Variants in PLEKHB2 observed in about 807,000 individuals in gnomAD.
PLEKHB2 encodes the protein pleckstrin homology domain containing B2, also known as pleckstrin homology domain-containing family B member 2.
Under a neutral mutation model 36.5 loss-of-function variants are expected in PLEKHB2, and 31 were observed. That is an observed-to-expected ratio of 0.85 (90% confidence interval 0.64 to 1.15). PLEKHB2 has a LOEUF of 1.15. PLEKHB2 is among the 50% of genes most tolerant of loss of function. The pLI, the probability that PLEKHB2 is intolerant of heterozygous loss-of-function variation, is 0.00. For synonymous variants in PLEKHB2, 119 were observed against 112.0 expected, an observed-to-expected ratio of 1.06 and a Z score of -0.39; for missense variants, 262 against 295.3, an observed-to-expected ratio of 0.89 and a Z score of 0.83.
At chr2:131,144,596 A>G (rs1699099662) in intron 7 of PLEKHB2, 1 of 376,284 alleles carries the variant, frequency 2.7e-6, no homozygotes, top group Non-Finnish European at 4.7e-6. Flanking sequence ...CTTAGTTGCC[A>G]TAGAAACTGT....
intron 4 of PLEKHB2, among the ~76,000 whole-genome samples, chr2:131,129,961 G>A (rs1697512579): frequency 6.6e-6 from 1 of 152,076 alleles, no homozygotes; most frequent in South Asian, 2.1e-4. Flanking sequence ...CCTTTGATGT[G>A]GTATTTTCAG....
At chr2:131,109,691 AAAAC>A (rs944112157) in intron 1 of PLEKHB2, among the ~76,000 whole-genome samples, 4 of 152,124 alleles carry the variant, frequency 2.6e-5, no homozygotes, top group African/African-American at 7.2e-5. Context: ...ACTCTGTCTC[AAAAC>A]AAACAAACAA....
At chr2:131,115,884 C>G (rs528817776) in intron 1 of PLEKHB2, among the ~76,000 whole-genome samples, 1 of 152,220 alleles carries the variant, frequency 6.6e-6, no homozygotes, top group East Asian at 1.9e-4. Context: ...AATAAGATAT[C>G]CTGCCCCTAA....
rs370696877 is a variant in PLEKHB2 at position 131,140,284 on chromosome 2, C to T, written c.532+9C>T. On this transcript the variant is annotated intron_variant, in intron 7 of 7. Transcript: ENST00000693505. ...CCAGTACCCATATGCAGGTAACTCA[C>T]GCCGGCCTTTCATTCCTCATTTCTC... 11 of 1,459,756 alleles carry T rather than the reference C, an allele frequency of 7.5e-6. No individual in the cohort carries two copies. Among genetic ancestry groups the T allele is most frequent in the Middle Eastern group, 1.7e-4 (1 of 5,830 alleles). The allele number at this position is 1,459,756 out of a possible 1,614,324, so 90.4% of individuals were successfully genotyped here.
chr2:131,113,432 C>T (rs1435911763), intron 1 of PLEKHB2, among the ~76,000 whole-genome samples: 1 of 152,174 alleles, frequency 6.6e-6, no homozygotes. Flanking sequence ...CATTTGGTCA[C>T]AGAAGTCTTC....
At chr2:131,117,089 T>A (rs1241235507) in intron 1 of PLEKHB2, among the ~76,000 whole-genome samples, 1 of 151,230 alleles carries the variant, frequency 6.6e-6, no homozygotes, top group African/African-American at 2.4e-5. Flanking sequence ...GCCATTGCAC[T>A]CCAGTCTGAG....
intron 5 of PLEKHB2, 147 bp from the exon 6 acceptor site, chr2:131,132,755 G>C: frequency 1.8e-6 from 1 of 552,458 alleles, no homozygotes; most frequent in Admixed American, 3.0e-5. Context: ...CCACTGGACT[G>C]GGGGAGTTTT....
intron 6 of PLEKHB2, among the ~76,000 whole-genome samples, chr2:131,135,723 C>T (rs1212961799): frequency 6.6e-6 from 1 of 152,186 alleles, no homozygotes; most frequent in Non-Finnish European, 1.5e-5. Context: ...GCCTCAGCCT[C>T]TCTAGTAGTT....
Position 131,140,186 on chromosome 2 carries a change from C to T in PLEKHB2, c.443C>T (p.Pro148Leu). 1 of 1,611,650 alleles carries T rather than the reference C, an allele frequency of 6.2e-7. No homozygotes were observed. The highest frequency in any genetic ancestry group is 8.5e-7 in the Non-Finnish European group (1 of 1,177,832). The change falls in exon 7 of 8, where the codon CCA becomes CTA. Residue 148 changes from proline (P) to leucine (L), a missense_variant. Pro to Leu is a moderately conservative substitution (Grantham distance 98). Coordinates refer to ENST00000693505, the MANE Select transcript of PLEKHB2 (RefSeq NM_001100623.2). ...PAPEQAYGYG[P>L]YGGAYPPGTQ... ...TTTCAGCAGGCTTATGGCTATGGGC[C>T]ATACGGTGGTGCGTACCCGCCAGGA...
chr2:131,127,993 A>T (rs1184333645), intron 4 of PLEKHB2, among the ~76,000 whole-genome samples: 1 of 152,198 alleles, frequency 6.6e-6, no homozygotes, highest in East Asian at 1.9e-4. Flanking sequence ...GAGCCCTAGC[A>T]TGGGACATTC....
chr2:131,114,333 C>G (rs1156329053), intron 1 of PLEKHB2, among the ~76,000 whole-genome samples: 1 of 152,128 alleles, frequency 6.6e-6, no homozygotes, highest in African/African-American at 2.4e-5. Flanking sequence ...ATCGTGTTAG[C>G]CAGGATGGTC....
chr2:131,146,819 CAAT>C lies in PLEKHB2; in HGVS notation c.*51_*53del. ...GCATAGCTTCTGATAACCCTGTGTG[CAAT>C]AATATGATTTGCAGGGCATTTCTGT... On this transcript the variant is annotated 3_prime_UTR_variant, in exon 8 of 8. Transcript: ENST00000693505. The C allele has an allele frequency of 6.7e-7, 1 of 1,491,052 alleles. No homozygotes were observed. Among genetic ancestry groups the C allele is most frequent in the East Asian group, 2.4e-5 (1 of 42,418 alleles). 92.4% of individuals were successfully genotyped at this position (1,491,052 alleles called of 1,614,324 possible).
intron 7 of PLEKHB2, among the ~76,000 whole-genome samples, chr2:131,142,076 C>T (rs1438639195): frequency 6.6e-6 from 1 of 152,174 alleles, no homozygotes. Context: ...CTCACCCACA[C>T]CCCCTCTCAC....
At chr2:131,111,027 C>G (rs1405311020) in intron 1 of PLEKHB2, among the ~76,000 whole-genome samples, 1 of 151,556 alleles carries the variant, frequency 6.6e-6, no homozygotes, top group African/African-American at 2.4e-5. Context: ...TTTTTTGAGA[C>G]GGAGTCTCGC....
rs999716686 is a variant in PLEKHB2 at position 131,126,783 on chromosome 2, G to A, written c.290G>A (p.Cys97Tyr). The change falls in exon 4 of 8, where the codon TGC becomes TAC. Residue 97 changes from cysteine to tyrosine, a missense_variant. Coordinates refer to ENST00000693505, the MANE Select transcript of PLEKHB2 (RefSeq NM_001100623.2). ...CTTTGTGCAGAAAGCACAGATGATT[G>A]CTTGTAAGTTTTGCTTTCTTATGTG... ...ISLCAESTDD[C>Y]LAWKFTLQDS... is the part of the protein sequence containing the mutation. The A allele has an allele frequency of 1.3e-6, 2 of 1,558,666 alleles. No homozygotes were observed. The highest frequency in any genetic ancestry group is 1.7e-5 in the Admixed American group (1 of 59,416).
intron 6 of PLEKHB2, among the ~76,000 whole-genome samples, chr2:131,133,475 T>C (rs183170443): frequency 2.0e-5 from 3 of 152,392 alleles, no homozygotes; most frequent in Middle Eastern, 3.4e-3. Flanking sequence ...GAAATAATTA[T>C]AGATTCACAA....
chr2:131,119,541 T>A (rs1696252356), intron 1 of PLEKHB2, among the ~76,000 whole-genome samples: 2 of 152,054 alleles, frequency 1.3e-5, no homozygotes, highest in Admixed American at 6.6e-5. Flanking sequence ...TTGCCGCGAG[T>A]GTTTATATAT....
At chr2:131,112,196 A>AT (rs1485098928) in intron 1 of PLEKHB2, among the ~76,000 whole-genome samples, 1 of 152,216 alleles carries the variant, frequency 6.6e-6, no homozygotes, top group Non-Finnish European at 1.5e-5. Flanking sequence ...TTAATCAATC[A>AT]TGCTAATGTA....
intron 2 of PLEKHB2, among the ~76,000 whole-genome samples, chr2:131,124,297 C>G (rs1428997974): frequency 2.6e-5 from 4 of 152,130 alleles, no homozygotes; most frequent in African/African-American, 9.7e-5. Flanking sequence ...CTGGTTGACA[C>G]CAGTTGCAGG....
Sources: gnomAD v4.1 joint callset for allele counts (sites outside exome capture counted in the v4.1 genomes callset) on GRCh38, gnomAD v4.1.1 for gene constraint, MANE v1.5 for transcripts, NCBI Gene and HGNC (gene_info 2026-07-23, HGNC 2026-07-21) for gene names.